SLC6A15: variants seen among roughly 807,000 people sequenced by gnomAD.
The protein encoded by SLC6A15 is sodium-dependent neutral amino acid transporter B(0)AT2.
SLC6A15 carries 33 observed loss-of-function variants against 68.5 expected under a neutral mutation model. That is an observed-to-expected ratio of 0.48 (90% confidence interval 0.37 to 0.64). The LOEUF (loss-of-function observed/expected upper bound fraction) is 0.64, where lower values mean the gene tolerates loss of function less well. SLC6A15 is among the 30% of genes least tolerant of loss of function. SLC6A15 has a pLI of 0.00. For missense variants in SLC6A15, 747 were observed against 874.3 expected, an observed-to-expected ratio of 0.85 and a Z score of 1.84; for synonymous variants, 347 against 301.0, an observed-to-expected ratio of 1.15 and a Z score of -1.58.
Position 84,863,307 on chromosome 12 carries a change from TC to T in SLC6A15, c.1818+131del, listed in dbSNP as rs1207914247. On this transcript the variant is annotated intron_variant, in intron 11 of 11. Transcript: ENST00000266682. ...TCGGGGCAGAGCACAAACGTAAATCTCATATCCTTGCATAAAAGCTATGCCA... is the reference window on the plus strand; with the variant it reads ...TCGGGGCAGAGCACAAACGTAAATCTATATCCTTGCATAAAAGCTATGCCA... The T allele has an allele frequency of 2.4e-5, 15 of 630,250 alleles. No homozygotes were observed. The East Asian group carries it at 4.3e-4, about 18-fold the overall frequency. The allele number at this position is 630,250 out of a possible 1,614,324, so 39.0% of individuals were successfully genotyped here.
At chr12:84,884,257 A>T (rs1250979957) in intron 4 of SLC6A15, among the ~76,000 whole-genome samples, 3 of 152,156 alleles carry the variant, frequency 2.0e-5, no homozygotes, top group Non-Finnish European at 4.4e-5. Flanking sequence ...CTGCAGTAAG[A>T]ATATGTGAAC....
chr12:84,910,966 G>A (rs1873416814), intron 1 of SLC6A15, among the ~76,000 whole-genome samples: 1 of 142,154 alleles, frequency 7.0e-6, no homozygotes, highest in South Asian at 2.1e-4. Flanking sequence ...TTTAACCCTC[G>A]CCTTCCCTTC....
At chr12:84,895,897 A>T (rs1050499705) in intron 1 of SLC6A15, among the ~76,000 whole-genome samples, 1 of 152,192 alleles carries the variant, frequency 6.6e-6, no homozygotes, top group Non-Finnish European at 1.5e-5. Flanking sequence ...TGTAGTCCAT[A>T]AACATAGACA....
At chr12:84,907,976 A>G (rs1331644290) in intron 1 of SLC6A15, among the ~76,000 whole-genome samples, 1 of 152,200 alleles carries the variant, frequency 6.6e-6, no homozygotes, top group Non-Finnish European at 1.5e-5. Context: ...TATTCTTGCA[A>G]TGACCAAAAA....
chr12:84,863,231 G>C (rs1044014355), intron 11 of SLC6A15, among the ~76,000 whole-genome samples: 2 of 152,114 alleles, frequency 1.3e-5, no homozygotes, highest in African/African-American at 4.8e-5. Flanking sequence ...CAAGGTTAGT[G>C]CTTCACATGT....
chr12:84,882,652 T>G (rs1565726200), intron 5 of SLC6A15: 1 of 205,298 alleles, frequency 4.9e-6, no homozygotes, highest in Middle Eastern at 2.6e-3. Flanking sequence ...TTAGACAGAC[T>G]TGCATTTGAC....
chr12:84,876,251 A>G (rs1871534882), intron 6 of SLC6A15, among the ~76,000 whole-genome samples: 1 of 152,070 alleles, frequency 6.6e-6, no homozygotes, highest in South Asian at 2.1e-4. Context: ...TATAAAAGAG[A>G]GATTTTTGAA....
intron 11 of SLC6A15, among the ~76,000 whole-genome samples, chr12:84,863,135 T>C (rs1870920634): frequency 6.6e-6 from 1 of 152,024 alleles, no homozygotes; most frequent in Non-Finnish European, 1.5e-5. Context: ...ATTTCTAGAG[T>C]TTTGATTAAT....
chr12:84,878,484 T>C (rs1361603899), intron 5 of SLC6A15, among the ~76,000 whole-genome samples: 1 of 152,118 alleles, frequency 6.6e-6, no homozygotes, highest in Non-Finnish European at 1.5e-5. Context: ...CAATAGCTTC[T>C]TTTTATGTTT....
intron 5 of SLC6A15, chr12:84,882,870 A>C (rs1359727108): frequency 2.1e-6 from 1 of 466,610 alleles, no homozygotes; most frequent in Non-Finnish European, 2.8e-6. Context: ...GGCTTCAATT[A>C]CTGTTCTTAC....
intron 1 of SLC6A15, among the ~76,000 whole-genome samples, chr12:84,896,396 A>G (rs912368387): frequency 3.3e-5 from 5 of 152,140 alleles, no homozygotes; most frequent in African/African-American, 1.2e-4. Flanking sequence ...TTGTGTTGGC[A>G]CGTATCCATG....
At chr12:84,904,224 G>GGAGGGAGAGAGAGAGA (rs1555183257) in intron 1 of SLC6A15, among the ~76,000 whole-genome samples, 1 of 121,996 alleles carries the variant, frequency 8.2e-6, no homozygotes, top group Non-Finnish European at 1.6e-5. Flanking sequence ...GGGCGGAGGG[G>GGAGGGAGAGAGAGAGA]GAGAGAGAGA....
chr12:84,890,573 T>C (rs746566900), intron 2 of SLC6A15, among the ~76,000 whole-genome samples: 34 of 152,320 alleles, frequency 2.2e-4, no homozygotes, highest in Non-Finnish European at 1.2e-4. Context: ...GCACAGTGCG[T>C]CACTGACTCT....
intron 1 of SLC6A15, among the ~76,000 whole-genome samples, chr12:84,894,141 G>C (rs1278227970): frequency 6.6e-6 from 1 of 152,046 alleles, no homozygotes; most frequent in Non-Finnish European, 1.5e-5. Context: ...GTAAATATTA[G>C]TTGAATACAT....
chr12:84,895,339 ATTTTTTTTTT>A (rs67339994), intron 1 of SLC6A15, among the ~76,000 whole-genome samples: 77 of 54,786 alleles, frequency 1.4e-3, no homozygotes, highest in African/African-American at 5.1e-3. Flanking sequence ...TTTTGTTTGT[ATTTTTTTTTT>A]TTTTTTTTTT....
chr12:84,878,723 TA>T (rs1236031861), intron 5 of SLC6A15, among the ~76,000 whole-genome samples: 3 of 152,220 alleles, frequency 2.0e-5, no homozygotes, highest in Non-Finnish European at 4.4e-5. Context: ...CCTGTACTCA[TA>T]TTATTCGAGG....
At chr12:84,906,019 T>C (rs1450169523) in intron 1 of SLC6A15, among the ~76,000 whole-genome samples, 1 of 152,210 alleles carries the variant, frequency 6.6e-6, no homozygotes, top group Non-Finnish European at 1.5e-5. Context: ...ATTCAATTTT[T>C]TTGCAGATAT....
intron 4 of SLC6A15, 66 bp from the exon 5 acceptor site, chr12:84,884,106 C>T (rs1871965057): frequency 3.7e-6 from 5 of 1,337,456 alleles, no homozygotes; most frequent in Admixed American, 1.8e-5. Context: ...ATTTCTTTTC[C>T]AATAAACCTG....
intron 1 of SLC6A15, among the ~76,000 whole-genome samples, chr12:84,906,565 A>C (rs563891500): frequency 6.6e-6 from 1 of 152,314 alleles, no homozygotes; most frequent in East Asian, 1.9e-4. Flanking sequence ...AGTCTATGTG[A>C]GGTTGGTGAA....
Sources: allele counts gnomAD v4.1 joint callset (sites outside exome capture counted in the v4.1 genomes callset), GRCh38; gene constraint gnomAD v4.1.1; transcripts MANE v1.5; gene names NCBI Gene and HGNC (gene_info 2026-07-23, HGNC 2026-07-21).